Variants in MSH3 observed in about 807,000 individuals in gnomAD.
The protein encoded by MSH3 is DNA mismatch repair protein Msh3.
A neutral mutation model predicts 123.3 loss-of-function variants in MSH3; 106 were observed. The ratio of observed to expected loss-of-function variants is 0.86; its 90% CI spans 0.73 to 1.01. MSH3 has a LOEUF of 1.01. MSH3 is among the 50% of genes least tolerant of loss of function. The pLI is 0.00. For synonymous variants in MSH3, 515 were observed against 481.4 expected (o/e 1.07, Z -0.91); for missense variants, 1,459 against 1,347.6 (o/e 1.08, Z -1.29).
chr5:80,745,357 G>A (rs1308524426), intron 12 of MSH3, among the ~76,000 whole-genome samples: 2 of 152,166 alleles, frequency 1.3e-5, no homozygotes, highest in Admixed American at 6.5e-5. Context: ...CTGGCACTTA[G>A]TAGAAGCCCA....
intron 20 of MSH3, among the ~76,000 whole-genome samples, chr5:80,847,001 C>T (rs958899509): frequency 6.6e-6 from 1 of 152,144 alleles, no homozygotes; most frequent in Non-Finnish European, 1.5e-5. Flanking sequence ...CTGCATCCAT[C>T]TCGGTGGGAG....
rs538802883 is a variant in MSH3, at chr5:80,666,760, G to A, written c.579+1397G>A. 1.3e-3 allele frequency among the ~76,000 whole-genome samples: 198 copies of A among 152,302 alleles called. 1 individual carries two copies. The highest frequency in any genetic ancestry group is 2.2e-3 in the Non-Finnish European group (150 of 68,026). On this transcript the variant is annotated intron_variant, in intron 3 of 23. Transcript: ENST00000265081. Reference sequence around the variant, plus strand: ...AAGCTGTTTGATGGCATGGATAGACGTGGATGAATGGCAAAAAGCTACTGA... The same window carrying A: ...AAGCTGTTTGATGGCATGGATAGACATGGATGAATGGCAAAAAGCTACTGA...
chr5:80,772,647 G>C (rs2112887838), intron 15 of MSH3, among the ~76,000 whole-genome samples: 1 of 152,242 alleles, frequency 6.6e-6, no homozygotes, highest in Non-Finnish European at 1.5e-5. Flanking sequence ...AAGATTACTG[G>C]AATGTATGCT....
intron 8 of MSH3, among the ~76,000 whole-genome samples, chr5:80,695,103 G>A (rs998971041): frequency 1.2e-5 from 1 of 83,822 alleles, no homozygotes; most frequent in African/African-American, 4.4e-5. Context: ...TTTTTTTTTT[G>A]CCTTTCTTTT....
intron 12 of MSH3, among the ~76,000 whole-genome samples, chr5:80,756,054 T>C (rs1743920635): frequency 6.6e-6 from 1 of 151,914 alleles, no homozygotes; most frequent in African/African-American, 2.4e-5. Flanking sequence ...GAATAAAAAA[T>C]ATGAGCATGG....
At chr5:80,755,811 G>A (rs1743917139) in intron 12 of MSH3, among the ~76,000 whole-genome samples, 3 of 152,144 alleles carry the variant, frequency 2.0e-5, no homozygotes, top group Non-Finnish European at 4.4e-5. Context: ...AGATACCATA[G>A]TAACGTGAGA....
Position 80,672,271 on chromosome 5 carries a change from T to C in MSH3, c.820T>C (p.Cys274Arg). Reference protein sequence around the residue: ...EIAARELNIYCHLDHNFMTAS... With the variant: ...EIAARELNIYRHLDHNFMTAS... ...TGCAGCCCGAGAGCTCAATATTTAT[T>C]GCCATTTAGATCACAACTTTATGAC... The change falls in exon 5 of 24, where the codon TGC (cysteine) becomes CGC (arginine). Residue 274 changes from cysteine to arginine, a missense_variant. Cys to Arg is a radical substitution (Grantham distance 180). Transcript: ENST00000265081. 1 of 1,613,852 alleles carries C rather than the reference T, an allele frequency of 6.2e-7. No individual in the cohort carries two copies. The highest frequency in any genetic ancestry group is 1.1e-5 in the South Asian group (1 of 91,044).
At chr5:80,752,976 G>A (rs939509377) in intron 12 of MSH3, among the ~76,000 whole-genome samples, 3 of 152,106 alleles carry the variant, frequency 2.0e-5, no homozygotes, top group African/African-American at 7.2e-5. Context: ...CACATAGGCA[G>A]TCAAGACAAT....
chr5:80,692,561 CAT>C (rs1750316438), intron 8 of MSH3, among the ~76,000 whole-genome samples: 1 of 137,400 alleles, frequency 7.3e-6, no homozygotes, highest in Non-Finnish European at 1.6e-5. Flanking sequence ...GAGAGATAAA[CAT>C]GTATATGTTT....
intron 8 of MSH3, among the ~76,000 whole-genome samples, chr5:80,707,439 C>T (rs1415438048): frequency 6.6e-6 from 1 of 152,016 alleles, no homozygotes; most frequent in Non-Finnish European, 1.5e-5. Flanking sequence ...AAGAAACAGC[C>T]AGGCCAGGCA....
chr5:80,815,755 T>C (rs1196292865), intron 20 of MSH3, among the ~76,000 whole-genome samples: 3 of 152,200 alleles, frequency 2.0e-5, no homozygotes, highest in Admixed American at 6.5e-5. Flanking sequence ...TGACCAGAAC[T>C]GTGTCTCATG....
chr5:80,684,252 G>A (rs891591388), intron 8 of MSH3, among the ~76,000 whole-genome samples: 4 of 152,086 alleles, frequency 2.6e-5, no homozygotes, highest in Non-Finnish European at 4.4e-5. Flanking sequence ...GGATTGCGTT[G>A]AATCTGTAGA....
At chr5:80,818,990 A>G (rs1450001176) in intron 20 of MSH3, among the ~76,000 whole-genome samples, 3 of 152,146 alleles carry the variant, frequency 2.0e-5, no homozygotes, top group Non-Finnish European at 4.4e-5. Context: ...AGTGCATTGA[A>G]TTGCAATTAG....
intron 12 of MSH3, chr5:80,746,331 G>A (rs575945291): frequency 5.1e-5 from 18 of 352,758 alleles, no homozygotes; most frequent in African/African-American, 3.5e-4. Context: ...CGGCGTCAAG[G>A]ACGTTTCACT....
intron 8 of MSH3, among the ~76,000 whole-genome samples, chr5:80,714,130 CTTTTTTTTTTTT>C (rs34918629): frequency 8.2e-5 from 7 of 85,820 alleles, no homozygotes; most frequent in African/African-American, 3.3e-4. Flanking sequence ...TTCAAATAGA[CTTTTTTTTTTTT>C]TTTTTTTTTT....
chr5:80,839,153 G>C (rs576884842), intron 20 of MSH3, among the ~76,000 whole-genome samples: 1 of 152,258 alleles, frequency 6.6e-6, no homozygotes, highest in African/African-American at 2.4e-5. Context: ...GATCACTTGA[G>C]GCGAGGAGTT....
intron 17 of MSH3, among the ~76,000 whole-genome samples, chr5:80,784,660 A>T (rs1437489042): frequency 6.6e-6 from 1 of 151,850 alleles, no homozygotes; most frequent in African/African-American, 2.4e-5. Flanking sequence ...CATTCTTTCT[A>T]TTTTTTTGGA....
chr5:80,696,570 C>T (rs1055275290), intron 8 of MSH3, among the ~76,000 whole-genome samples: 1 of 152,146 alleles, frequency 6.6e-6, no homozygotes, highest in Non-Finnish European at 1.5e-5. Flanking sequence ...GGGAACTCAC[C>T]GTCATACTGT....
chr5:80,717,046 T>G (rs1273687755), intron 8 of MSH3, among the ~76,000 whole-genome samples: 4 of 151,852 alleles, frequency 2.6e-5, no homozygotes, highest in South Asian at 2.1e-4. Flanking sequence ...TTTCATTTTT[T>G]GGGGGGGGCT....
Sources: gnomAD v4.1 joint callset for allele counts (sites outside exome capture counted in the v4.1 genomes callset) on GRCh38, gnomAD v4.1.1 for gene constraint, MANE v1.5 for transcripts, NCBI Gene and HGNC (gene_info 2026-07-23, HGNC 2026-07-21) for gene names.